PTPRF: variants seen among roughly 807,000 people sequenced by gnomAD.
PTPRF encodes receptor-type tyrosine-protein phosphatase F.
PTPRF carries 59 observed loss-of-function variants against 201.8 expected under a neutral mutation model. That is an observed-to-expected ratio of 0.29 (90% CI 0.24 to 0.36). PTPRF has a LOEUF of 0.36. Ranked by LOEUF, PTPRF falls within the 10% of genes least tolerant of loss-of-function variation. The pLI, the probability that PTPRF is intolerant of heterozygous loss-of-function variation, is 1.00. For missense variants in PTPRF, 2,132 were observed against 2,690.5 expected (o/e 0.79, Z 4.59); for synonymous variants, 1,088 against 1,089.7 (o/e 1.00, Z 0.03).
chr1:43,527,904 T>A (rs187972700), upstream of PTPRF, among the ~76,000 whole-genome samples: 11 of 152,356 alleles, frequency 7.2e-5, no homozygotes, highest in Non-Finnish European at 4.4e-5. Flanking sequence ...GTCATTTATG[T>A]CTGATGGTTC....
intron 3 of PTPRF, among the ~76,000 whole-genome samples, chr1:43,551,778 C>T (rs1232340862): frequency 6.6e-6 from 1 of 152,182 alleles, no homozygotes; most frequent in Admixed American, 6.5e-5. Flanking sequence ...ATGGAAGGCC[C>T]ACCACGTAAA....
At chr1:43,545,803 G>A (rs542472879) in intron 3 of PTPRF, among the ~76,000 whole-genome samples, 1 of 152,188 alleles carries the variant, frequency 6.6e-6, no homozygotes, top group Non-Finnish European at 1.5e-5. Context: ...GCCCCTCTGT[G>A]TGTGTTTGTG....
Position 43,542,595 on chromosome 1 carries a change from C to T in PTPRF, c.-45-2436C>T, listed in dbSNP as rs970625037. Reference sequence around the variant, plus strand: ...GTGTCTATTCTGGGAGTTTTACCCCCATGATGGCTCTCCTGGGAGCTCTGC... The same window carrying T: ...GTGTCTATTCTGGGAGTTTTACCCCTATGATGGCTCTCCTGGGAGCTCTGC... On this transcript the variant is annotated intron_variant, in intron 2 of 33. Transcript: ENST00000359947. The surrounding 1 kb of genome is among the most constrained non-coding windows in gnomAD (Gnocchi z 5.2). 2.0e-5 allele frequency among the ~76,000 whole-genome samples: 3 copies of T among 152,104 alleles called. No homozygotes were observed. The highest frequency in any genetic ancestry group is 7.2e-5 in the African/African-American group (3 of 41,382).
chr1:43,604,264 A>C, intron 16 of PTPRF, 75 bp downstream of exon 16: 1 of 1,450,114 alleles, frequency 6.9e-7, no homozygotes. Context: ...TGAGCCACTG[A>C]CCTCTGGCGA....
chr1:43,610,589 AT>A (rs1172060236), intron 22 of PTPRF, among the ~76,000 whole-genome samples: 1 of 152,190 alleles, frequency 6.6e-6, no homozygotes, highest in Non-Finnish European at 1.5e-5. Flanking sequence ...TTGTAAATAA[AT>A]TTTTACTGGC....
chr1:43,593,052 A>G (rs1651268815), intron 11 of PTPRF, among the ~76,000 whole-genome samples: 2 of 152,146 alleles, frequency 1.3e-5, no homozygotes. Flanking sequence ...TCCCCATGAA[A>G]GTTACCTGAG....
At chr1:43,584,015 C>G (rs116281482) in intron 7 of PTPRF, among the ~76,000 whole-genome samples, 2,578 of 152,284 alleles carry the variant, frequency 0.017, 80 homozygotes, top group African/African-American at 0.059. Context: ...GCCCCTGACT[C>G]AGCCACAGGT....
intron 7 of PTPRF, among the ~76,000 whole-genome samples, chr1:43,583,289 C>T (rs557469165): frequency 3.9e-5 from 6 of 152,280 alleles, no homozygotes; most frequent in Admixed American, 3.3e-4. Flanking sequence ...GTTCCTGCTG[C>T]TTGGGTCCCT....
upstream of PTPRF, among the ~76,000 whole-genome samples, chr1:43,523,513 G>C (rs548537290): frequency 2.9e-4 from 44 of 152,268 alleles, no homozygotes; most frequent in Admixed American, 5.9e-4. Context: ...GGCAAACCAG[G>C]AGAGTATGGT....
intron 5 of PTPRF, among the ~76,000 whole-genome samples, chr1:43,563,542 G>C (rs1052766349): frequency 6.6e-6 from 1 of 152,194 alleles, no homozygotes; most frequent in African/African-American, 2.4e-5. Flanking sequence ...GTTGGGAGGA[G>C]GTTCCTGAGA....
rs367756980 is a variant in PTPRF at position 43,588,972 on chromosome 1, C to G, written c.921C>G (p.Ile307Met). 1.9e-6 allele frequency: 3 copies of G among 1,569,668 alleles called. No individual in the cohort carries two copies. Among genetic ancestry groups the G allele is most frequent in the Non-Finnish European group, 1.7e-6 (2 of 1,152,816 alleles). ...TGGCCATCTCCTCGCTGGGCATGAT[C>G]GAGGCCACAGCCCAGGTCACAGTGA... ...TCVAISSLGM[I>M]EATAQVTVKA... is the part of the protein sequence containing the mutation. Residue 307 changes from isoleucine to methionine, a missense_variant, in exon 8 of 34, where the codon ATC becomes ATG. Transcript: ENST00000359947. This position sits in a 1 kb window ranked among gnomAD's most constrained non-coding sequence, Gnocchi z 5.3.
chr1:43,619,910 G>C, intron 29 of PTPRF, 52 bp downstream of exon 29: 1 of 1,593,768 alleles, frequency 6.3e-7, no homozygotes, highest in Non-Finnish European at 8.6e-7. Context: ...CTAGGCCTGT[G>C]CCTGGCTGGT....
chr1:43,595,176 G>C (rs1232736709), intron 11 of PTPRF, among the ~76,000 whole-genome samples: 1 of 152,154 alleles, frequency 6.6e-6, no homozygotes, highest in Admixed American at 6.5e-5. Context: ...GAGGGCCGTG[G>C]AGCTGAGGGT....
chr1:43,532,257 A>T (rs147173493), intron 1 of PTPRF, among the ~76,000 whole-genome samples: 33 of 151,682 alleles, frequency 2.2e-4, no homozygotes, highest in African/African-American at 8.0e-4. Context: ...CTTTCTCCCC[A>T]TTTCAAGCCC....
chr1:43,568,024 G>C (rs886794753), intron 5 of PTPRF, among the ~76,000 whole-genome samples: 2 of 152,124 alleles, frequency 1.3e-5, no homozygotes, highest in African/African-American at 4.8e-5. Context: ...GATGGGGCCT[G>C]GTGGCTCACA....
At chr1:43,606,157 G>A in intron 19 of PTPRF, 83 bp from the exon 20 acceptor site, 1 of 1,448,428 alleles carries the variant, frequency 6.9e-7, no homozygotes, top group East Asian at 2.3e-5. Flanking sequence ...CTCGGCCCAG[G>A]GAGCTGACAT....
At position 43,530,916 on chromosome 1, in the gene PTPRF, T is replaced by G. The variant is rs2153944972; in HGVS notation, c.-300T>G. ...CGGTGGCGGCGGCAGAGGCGGCGGC[T>G]CCAGCTTCGGCTCCGGCTCGGGCTC... On this transcript the variant is annotated 5_prime_UTR_variant, in exon 1 of 34. Coordinates refer to ENST00000359947, the MANE Select transcript of PTPRF (RefSeq NM_002840.5). This position sits in a 1 kb window ranked among gnomAD's most constrained non-coding sequence, Gnocchi z 4.1. The G allele has an allele frequency of 6.5e-6, 1 of 153,642 alleles. No homozygotes were observed. Among genetic ancestry groups the G allele is most frequent in the South Asian group, 1.8e-4 (1 of 5,708 alleles). 9.5% of individuals were successfully genotyped at this position (153,642 alleles called of 1,614,324 possible). A position where few individuals can be genotyped will look rare whatever the true frequency, so the allele number is the denominator to read the frequency against.
rs1015672432 is a variant in PTPRF, at chr1:43,537,975, G to A, written c.-125-223G>A. 3.3e-5 allele frequency among the ~76,000 whole-genome samples: 5 copies of A among 152,224 alleles called. No homozygotes were observed. The East Asian group carries it at 9.7e-4, about 29-fold the overall frequency. ...CTATATGGCTGGTGCCTGGAAGGACGCCCAGCACATAGTAGGTGCTTAGGG... is the reference window on the plus strand; with the variant it reads ...CTATATGGCTGGTGCCTGGAAGGACACCCAGCACATAGTAGGTGCTTAGGG... On this transcript the variant is annotated intron_variant, in intron 1 of 33. Transcript: ENST00000359947. The surrounding 1 kb of genome is among the most constrained non-coding windows in gnomAD (Gnocchi z 4.8).
intron 5 of PTPRF, among the ~76,000 whole-genome samples, chr1:43,556,101 G>A (rs1355945822): frequency 1.3e-5 from 2 of 152,084 alleles, no homozygotes; most frequent in Non-Finnish European, 2.9e-5. Context: ...CAAGTTAATA[G>A]GCAAAAAATG....
Sources: gnomAD v4.1 joint callset for allele counts (sites outside exome capture counted in the v4.1 genomes callset) on GRCh38, gnomAD v4.1.1 for gene constraint, Gnocchi (gnomAD v3.1) non-coding constraint, MANE v1.5 for transcripts, NCBI Gene and HGNC (gene_info 2026-07-23, HGNC 2026-07-21) for gene names.